The following ABHD2 variants were observed in gnomAD, a reference collection of about 807,000 sequenced individuals.
The protein encoded by ABHD2 is monoacylglycerol lipase ABHD2.
ABHD2 carries 20 observed loss-of-function variants against 48.1 expected under a neutral mutation model. That is an observed-to-expected ratio of 0.42 (90% CI 0.29 to 0.60). The LOEUF (loss-of-function observed/expected upper bound fraction) is 0.60, where lower values mean the gene tolerates loss of function less well. Ranked by LOEUF, ABHD2 falls within the 20% of genes least tolerant of loss-of-function variation. ABHD2 has a pLI of 0.24. For missense variants in ABHD2, 405 were observed against 550.9 expected (o/e 0.74, Z 2.65); for synonymous variants, 209 against 214.2 (o/e 0.98, Z 0.21).
In ABHD2 at chr15:89,123,903, C is replaced by T. The variant is rs200048751; in HGVS notation, c.194+7382C>T. ...GGTTATAGGTGTGAGCCACCACACC[C>T]AGCCCCTAATTATTTCTAATAAAGC... On this transcript the variant is annotated intron_variant, in intron 3 of 10. Coordinates refer to ENST00000352732, the MANE Select transcript of ABHD2 (RefSeq NM_152924.5). Among the ~76,000 whole-genome samples the T allele has an allele frequency of 2.0e-4, 30 of 152,292 alleles. No individual in the cohort carries two copies. In the East Asian group the frequency reaches 4.6e-3, roughly 24 times the overall value.
upstream of ABHD2, among the ~76,000 whole-genome samples, chr15:89,083,151 G>A (rs1458955114): frequency 3.9e-5 from 6 of 152,052 alleles, no homozygotes; most frequent in Non-Finnish European, 7.4e-5. The surrounding 1 kb of genome is among the most constrained non-coding windows in gnomAD (Gnocchi z 5.1). Flanking sequence ...CACTGTGCCC[G>A]GCCTGTTTTT....
intron 10 of ABHD2, among the ~76,000 whole-genome samples, chr15:89,194,446 C>CA (rs2051360891): frequency 6.6e-6 from 1 of 151,800 alleles, no homozygotes; most frequent in Non-Finnish European, 1.5e-5. Flanking sequence ...GACTCTGTCC[C>CA]AAAAAAATAA....
the ABHD2 span, among the ~76,000 whole-genome samples, chr15:89,050,376 G>C: frequency 1.3e-5 from 2 of 152,192 alleles, no homozygotes; most frequent in Non-Finnish European, 2.9e-5. Context: ...GAAATGCTTT[G>C]CACACAGCCT....
the ABHD2 span, among the ~76,000 whole-genome samples, chr15:89,043,834 A>C: frequency 6.6e-6 from 1 of 151,774 alleles, no homozygotes; most frequent in Admixed American, 6.6e-5. Context: ...ATATTTTGAT[A>C]TATTCATCTA....
At chr15:89,161,389 A>G (rs1185501260) in intron 5 of ABHD2, among the ~76,000 whole-genome samples, 2 of 151,826 alleles carry the variant, frequency 1.3e-5, no homozygotes, top group Non-Finnish European at 2.9e-5. Flanking sequence ...ATTTTGTTTT[A>G]TTTTAATTTA....
Position 89,164,728 on chromosome 15 carries a change from G to A in ABHD2, c.538+9194G>A, listed in dbSNP as rs1228928514. Among the ~76,000 whole-genome samples, 2 of 151,600 alleles carry A rather than the reference G, an allele frequency of 1.3e-5. No individual in the cohort carries two copies. The highest frequency in any genetic ancestry group is 2.9e-5 in the Non-Finnish European group (2 of 67,972). The stretch of plus-strand genomic sequence containing the variant: ...TGAGCCCAGGAGTGCAGTGAGCCAA[G>A]ATTACGCCACTGCACTCCAGCCTAG... On this transcript the variant is annotated intron_variant, in intron 5 of 10. Coordinates refer to ENST00000352732, the MANE Select transcript of ABHD2 (RefSeq NM_152924.5). This position sits in a 1 kb window ranked among gnomAD's most constrained non-coding sequence, Gnocchi z 5.0.
the ABHD2 span, among the ~76,000 whole-genome samples, chr15:89,065,937 T>C: frequency 1.3e-5 from 2 of 152,182 alleles, no homozygotes; most frequent in African/African-American, 4.8e-5. Flanking sequence ...GCACTTTACA[T>C]ACATTATCTG....
At chr15:89,058,291 C>G in the ABHD2 span, among the ~76,000 whole-genome samples, 1 of 152,170 alleles carries the variant, frequency 6.6e-6, no homozygotes, top group Non-Finnish European at 1.5e-5. Flanking sequence ...GCTCACACAT[C>G]CAAGCTTCCT....
rs958540084 is a variant in ABHD2 at position 89,176,110 on chromosome 15, G to T, written c.722+115G>T. On this transcript the variant is annotated intron_variant, in intron 6 of 10. Transcript: ENST00000352732. This position sits in a 1 kb window ranked among gnomAD's most constrained non-coding sequence, Gnocchi z 4.5. Reference sequence around the variant, plus strand: ...GGGGAACACTGTGGCCGACTGAGTAGAAGTTTCTGAGTCTTGGACTCACCT... The same window carrying T: ...GGGGAACACTGTGGCCGACTGAGTATAAGTTTCTGAGTCTTGGACTCACCT... 8.7e-7 allele frequency: 1 copy of T among 1,153,032 alleles called. No individual in the cohort carries two copies. The highest frequency in any genetic ancestry group is 1.2e-6 in the Non-Finnish European group (1 of 826,352). 71.4% of individuals were successfully genotyped at this position (1,153,032 alleles called of 1,614,324 possible).
In ABHD2 at chr15:89,195,427, C is replaced by T. The variant is rs201481330; in HGVS notation, c.*4C>T. 59 of 1,611,884 alleles carry T rather than the reference C, an allele frequency of 3.7e-5. No individual in the cohort carries two copies. The African/African-American group carries it at 6.7e-4, about 18-fold the overall frequency. On this transcript the variant is annotated 3_prime_UTR_variant, in exon 11 of 11. Coordinates refer to ENST00000352732, the MANE Select transcript of ABHD2 (RefSeq NM_152924.5). This position sits in a 1 kb window ranked among gnomAD's most constrained non-coding sequence, Gnocchi z 5.1. Reference sequence around the variant, plus strand: ...GGTGGAGGCCGACCTGGAGTGAGGCCTCCGGACTCTGGCACGCTCCAGCAG... The same window carrying T: ...GGTGGAGGCCGACCTGGAGTGAGGCTTCCGGACTCTGGCACGCTCCAGCAG...
the ABHD2 span, among the ~76,000 whole-genome samples, chr15:89,056,953 G>T: frequency 9.4e-6 from 1 of 106,808 alleles, no homozygotes; most frequent in Non-Finnish European, 1.8e-5. Flanking sequence ...TGCGCTTGTT[G>T]CCCAAGCTGG....
intron 3 of ABHD2, among the ~76,000 whole-genome samples, chr15:89,134,104 C>T (rs1392416836): frequency 1.3e-5 from 2 of 152,308 alleles, no homozygotes; most frequent in East Asian, 1.9e-4. Flanking sequence ...TCCCAGAGTG[C>T]TGGGATTACA....
At chr15:89,099,604 C>A (rs1349849034) in intron 1 of ABHD2, among the ~76,000 whole-genome samples, 2 of 151,998 alleles carry the variant, frequency 1.3e-5, no homozygotes, top group Non-Finnish European at 2.9e-5. Flanking sequence ...CAGAGCAAGA[C>A]CTTGTCTCTA....
At chr15:89,085,018 C>T (rs1234053133), upstream of ABHD2, among the ~76,000 whole-genome samples, 1 of 152,176 alleles carries the variant, frequency 6.6e-6, no homozygotes, top group African/African-American at 2.4e-5. The surrounding 1 kb of genome is among the most constrained non-coding windows in gnomAD (Gnocchi z 4.2). Context: ...AAATGACAAA[C>T]TGAGTGAATT....
chr15:89,111,718 G>C (rs565510335), intron 1 of ABHD2, among the ~76,000 whole-genome samples: 2 of 152,304 alleles, frequency 1.3e-5, no homozygotes, highest in South Asian at 4.1e-4. Flanking sequence ...CTAGCTAAGG[G>C]AAGCCAGAAA....
At chr15:89,172,882 C>A (rs1267045196) in intron 5 of ABHD2, among the ~76,000 whole-genome samples, 1 of 152,176 alleles carries the variant, frequency 6.6e-6, no homozygotes, top group African/African-American at 2.4e-5. Flanking sequence ...CATCCTATTC[C>A]TGTAGGTTCT....
chr15:89,074,243 G>A, the ABHD2 span, among the ~76,000 whole-genome samples: 2 of 152,118 alleles, frequency 1.3e-5, no homozygotes, highest in Non-Finnish European at 2.9e-5. Flanking sequence ...GGGCGTGATG[G>A]CGTGCTCCTG....
chr15:89,175,880 G>T lies in ABHD2; in HGVS notation c.607G>T (p.Val203Phe). Residue 203 changes from valine (V) to phenylalanine (F), a missense_variant, in exon 6 of 11, where the codon GTC (valine) becomes TTC (phenylalanine). Val to Phe is a conservative substitution (Grantham distance 50). Transcript: ENST00000352732. The surrounding 1 kb of genome is among the most constrained non-coding windows in gnomAD (Gnocchi z 5.7). ...GACATATCCCCTGACCCAGCTGGTC[G>T]TCGTGGGCTTCAGCCTGGGTGGTAA... is the stretch of plus-strand genomic sequence containing the variant. ...KKTYPLTQLV[V>F]VGFSLGGNIV... 1.2e-6 allele frequency: 2 copies of T among 1,614,096 alleles called. No homozygotes were observed. The highest frequency in any genetic ancestry group is 1.1e-5 in the South Asian group (1 of 91,078).
the ABHD2 span, among the ~76,000 whole-genome samples, chr15:89,079,532 T>C: frequency 6.6e-6 from 1 of 152,126 alleles, no homozygotes; most frequent in Non-Finnish European, 1.5e-5. This position sits in a 1 kb window ranked among gnomAD's most constrained non-coding sequence, Gnocchi z 4.3. Flanking sequence ...GATAGAGATC[T>C]GTCTCAGACA....
Sources: allele counts gnomAD v4.1 joint callset (sites outside exome capture counted in the v4.1 genomes callset), GRCh38; gene constraint gnomAD v4.1.1; non-coding constraint Gnocchi (gnomAD v3.1); transcripts MANE v1.5; gene names NCBI Gene and HGNC (gene_info 2026-07-23, HGNC 2026-07-21).